Variants in PRSS23 observed in about 807,000 individuals in gnomAD.
PRSS23 encodes serine protease 23.
In PRSS23, 25 loss-of-function variants were observed where a neutral mutation model predicts 34.7. The ratio of observed to expected loss-of-function variants is 0.72; its 90% CI spans 0.53 to 1.01. The LOEUF is 1.01. PRSS23 is among the 50% of genes least tolerant of loss of function. The probability of loss-of-function intolerance (pLI) is 0.00; values close to 1 mark genes in which losing one functional copy is unlikely to be tolerated. For synonymous variants in PRSS23, 176 were observed against 186.6 expected (o/e 0.94, Z 0.46); for missense variants, 445 against 475.6 (o/e 0.94, Z 0.60).
At chr11:86,907,782 T>A (rs1414866619) in intron 2 of PRSS23, among the ~76,000 whole-genome samples, 1 of 152,206 alleles carries the variant, frequency 6.6e-6, no homozygotes, top group African/African-American at 2.4e-5. Flanking sequence ...AAGTGCATAG[T>A]GCCGTCGTTT....
At chr11:86,843,631 A>G (rs1486688906) in intron 2 of PRSS23, among the ~76,000 whole-genome samples, 1 of 152,234 alleles carries the variant, frequency 6.6e-6, no homozygotes, top group Non-Finnish European at 1.5e-5. Context: ...TTCTCAAAAG[A>G]AGACATTTAT....
rs1948251336 is a variant in PRSS23 at position 86,821,499 on chromosome 11, A to C, written c.-11-1878A>C. The C allele has an allele frequency of 1.1e-5, 18 of 1,611,074 alleles. No individual in the cohort carries two copies. The African/African-American group carries it at 1.5e-4, about 13-fold the overall frequency. ...TCTTTCAGAGCTTTATGAGCTGCAC[A>C]AAGAAAAATCCATTGTTCAGTTGCT... is the stretch of plus-strand genomic sequence containing the variant. On this transcript the variant is annotated intron_variant, in intron 1 of 2. Transcript: ENST00000533902.
Position 86,808,611 on chromosome 11 carries a change from G to A in PRSS23, c.968G>A (p.Arg323Lys). 1 of 1,614,174 alleles carries A rather than the reference G, an allele frequency of 6.2e-7. No individual in the cohort carries two copies. The highest frequency in any genetic ancestry group is 8.5e-7 in the Non-Finnish European group (1 of 1,180,036). ...GCCAGCGGGTCTGGGGTCTATGTGA[G>A]GATGTGGAAGAGACAGCAGCAGAAG... ...PGASGSGVYV[R>K]MWKRQQQKWE... is the part of the protein sequence containing the mutation. The change falls in exon 2 of 2, where the codon AGG (arginine) becomes AAG (lysine). Residue 323 changes from arginine (R) to lysine (K), a missense_variant. Physicochemically the swap from Arg to Lys is conservative, Grantham distance 26 (BLOSUM62 2). Coordinates refer to ENST00000280258, the MANE Select transcript of PRSS23 (RefSeq NM_007173.6).
At chr11:86,893,444 C>T (rs1948854539) in intron 2 of PRSS23, among the ~76,000 whole-genome samples, 1 of 152,098 alleles carries the variant, frequency 6.6e-6, no homozygotes, top group Non-Finnish European at 1.5e-5. Context: ...GATTTCCGAC[C>T]CACTTATTTG....
intron 2 of PRSS23, among the ~76,000 whole-genome samples, chr11:86,864,012 C>T (rs72969470): frequency 0.13 from 20,110 of 152,186 alleles, 1,472 homozygotes; most frequent in Non-Finnish European, 0.17. Context: ...ATAATAATCA[C>T]GGTCATTTAT....
At chr11:86,880,074 G>T (rs1948762602) in intron 2 of PRSS23, among the ~76,000 whole-genome samples, 1 of 152,058 alleles carries the variant, frequency 6.6e-6, no homozygotes, top group African/African-American at 2.4e-5. Context: ...GGTAGACACG[G>T]GAGACTTTTC....
intron 1 of PRSS23, among the ~76,000 whole-genome samples, chr11:86,806,824 A>C (rs1948106787): frequency 6.6e-6 from 1 of 152,230 alleles, no homozygotes; most frequent in Admixed American, 6.5e-5. Context: ...AGATATAAAC[A>C]ACTGAAAAAG....
intron 2 of PRSS23, among the ~76,000 whole-genome samples, chr11:86,899,999 A>G (rs987534993): frequency 6.6e-6 from 1 of 152,152 alleles, no homozygotes; most frequent in Admixed American, 6.5e-5. Context: ...CAAAGAACGC[A>G]TGGTCTATGA....
intron 2 of PRSS23, chr11:86,908,982 T>C (rs1948961175): frequency 6.6e-6 from 1 of 151,832 alleles, no homozygotes; most frequent in Admixed American, 6.6e-5. Context: ...TTTCTTTTTT[T>C]TTTTTTTAAT....
At chr11:86,909,458 C>T (rs1399535879) in intron 2 of PRSS23, 1 of 152,248 alleles carries the variant, frequency 6.6e-6, no homozygotes, top group Non-Finnish European at 1.5e-5. Flanking sequence ...ATTGAAGCCA[C>T]CTGGCTCTCA....
intron 2 of PRSS23, among the ~76,000 whole-genome samples, chr11:86,872,166 A>C (rs2508430): frequency 0.57 from 86,337 of 151,604 alleles, 25,522 homozygotes; most frequent in African/African-American, 0.74. Context: ...ATTAAATGTG[A>C]TAATGTATGT....
At chr11:86,814,442 C>T (rs1177096110), downstream of PRSS23, among the ~76,000 whole-genome samples, 1 of 151,872 alleles carries the variant, frequency 6.6e-6, no homozygotes, top group Admixed American at 6.6e-5. Flanking sequence ...AAAATGTGGC[C>T]TCAAAGAAAG....
rs556430930 is a variant in PRSS23 at position 86,873,954 on chromosome 11, A to C, written c.206+50361A>C. 5.3e-5 allele frequency among the ~76,000 whole-genome samples: 8 copies of C among 152,300 alleles called. No individual in the cohort carries two copies. In the South Asian group the frequency reaches 1.7e-3, roughly 32 times the overall value. On this transcript the variant is annotated intron_variant, in intron 2 of 2. Coordinates refer to the PRSS23 transcript ENST00000533902. ...AAGTTCCTGTGTTATTCTGAGTCCTATGAGCAGTTCTGAGGTGAGATTAGA... is the reference window on the plus strand; with the variant it reads ...AAGTTCCTGTGTTATTCTGAGTCCTCTGAGCAGTTCTGAGGTGAGATTAGA...
At chr11:86,879,108 T>G (rs28473285) in intron 2 of PRSS23, among the ~76,000 whole-genome samples, 29 of 90,918 alleles carry the variant, frequency 3.2e-4, no homozygotes, top group African/African-American at 5.8e-4. Context: ...GAGCACCTCT[T>G]CCCGGCCGCC....
exon 3 of PRSS23, chr11:86,951,679 G>C (rs752642111): frequency 6.2e-7 from 1 of 1,614,086 alleles, no homozygotes; most frequent in Non-Finnish European, 8.5e-7. Context: ...AGATGACAAT[G>C]GTTTTCACTG....
intron 2 of PRSS23, among the ~76,000 whole-genome samples, chr11:86,834,079 C>G (rs780771759): frequency 1.3e-5 from 2 of 152,102 alleles, no homozygotes; most frequent in African/African-American, 2.4e-5. Context: ...ACAAACTTAA[C>G]AAGGAGGTTA....
intron 2 of PRSS23, among the ~76,000 whole-genome samples, chr11:86,846,138 A>C (rs1948484622): frequency 6.6e-6 from 1 of 152,064 alleles, no homozygotes; most frequent in Admixed American, 6.6e-5. Flanking sequence ...TAAAGCCTAC[A>C]ACTTTTTCTC....
intron 2 of PRSS23, among the ~76,000 whole-genome samples, chr11:86,929,911 G>A (rs1043412883): frequency 6.6e-6 from 1 of 152,128 alleles, no homozygotes; most frequent in Non-Finnish European, 1.5e-5. Flanking sequence ...ATAAAAGTGA[G>A]TGGAAAAAAC....
chr11:86,927,431 A>C (rs9971409), intron 2 of PRSS23, among the ~76,000 whole-genome samples: 95,007 of 152,084 alleles, frequency 0.62, 30,173 homozygotes, highest in Non-Finnish European at 0.69. Flanking sequence ...GAGTAGAATA[A>C]CTGGCATCGT....
Sources: allele counts gnomAD v4.1 joint callset (sites outside exome capture counted in the v4.1 genomes callset), GRCh38; gene constraint gnomAD v4.1.1; transcripts MANE v1.5; gene names NCBI Gene and HGNC (gene_info 2026-07-23, HGNC 2026-07-21).